Variants in PCDHA10 observed in about 807,000 individuals in gnomAD.
PCDHA10 encodes the protein protocadherin alpha 10.
PCDHA10 carries 45 observed loss-of-function variants against 61.2 expected under a neutral mutation model. The ratio of observed to expected loss-of-function variants is 0.74; its 90% CI spans 0.58 to 0.94. The LOEUF is 0.94. PCDHA10 is among the 40% of genes least tolerant of loss of function. PCDHA10 has a pLI of 0.00. For synonymous variants in PCDHA10, 602 were observed against 548.8 expected, an observed-to-expected ratio of 1.10 and a Z score of -1.35; for missense variants, 1,278 against 1,236.2, an observed-to-expected ratio of 1.03 and a Z score of -0.51.
At chr5:140,901,433 A>G (rs1472475784) in intron 1 of PCDHA10, among the ~76,000 whole-genome samples, 2 of 152,104 alleles carry the variant, frequency 1.3e-5, no homozygotes, top group Non-Finnish European at 2.9e-5. Flanking sequence ...CTGCATATGG[A>G]TATCTAGTTT....
chr5:140,867,991 T>G (rs1379820729), intron 1 of PCDHA10: 8 of 152,164 alleles, frequency 5.3e-5, no homozygotes, highest in Non-Finnish European at 8.8e-5. Flanking sequence ...ACTATTTTCA[T>G]GAATATAACT....
chr5:140,969,704 T>A (rs1317094729), intron 1 of PCDHA10, among the ~76,000 whole-genome samples: 2 of 152,172 alleles, frequency 1.3e-5, no homozygotes, highest in African/African-American at 4.8e-5. Context: ...TGCTGTATCA[T>A]CTACAGGGAA....
chr5:140,967,828 C>T (rs2096188201), intron 1 of PCDHA10: 2 of 1,614,028 alleles, frequency 1.2e-6, no homozygotes, highest in Non-Finnish European at 1.7e-6. Flanking sequence ...TGCTGGTGGA[C>T]ATCGTGGACG....
chr5:140,967,044 A>G, intron 1 of PCDHA10: 3 of 1,612,116 alleles, frequency 1.9e-6, no homozygotes, highest in Non-Finnish European at 2.5e-6. Context: ...CTGGAGCTGG[A>G]CCTGACGAGT....
At chr5:140,866,880 C>T (rs1270572722) in intron 1 of PCDHA10, 2 of 152,032 alleles carry the variant, frequency 1.3e-5, no homozygotes, top group Non-Finnish European at 2.9e-5. Context: ...TTGGTATTAG[C>T]CTATACCCAG....
At chr5:140,970,884 A>G (rs1013057138) in intron 1 of PCDHA10, among the ~76,000 whole-genome samples, 1 of 152,218 alleles carries the variant, frequency 6.6e-6, no homozygotes, top group Admixed American at 6.5e-5. Context: ...GATTTTTCTC[A>G]TGGACATTTC....
At chr5:140,963,120 A>G (rs1210822785) in intron 1 of PCDHA10, among the ~76,000 whole-genome samples, 1 of 152,174 alleles carries the variant, frequency 6.6e-6, no homozygotes, top group African/African-American at 2.4e-5. Context: ...ATAATTAAAG[A>G]GATAATATTA....
Position 140,875,735 on chromosome 5 carries a change from C to G in PCDHA10, c.2388+17299C>G, listed in dbSNP as rs376701509. ...CAGAATGGCATTTTGTTTGTGAATT[C>G]TCGGATCGACCGCGAGAAGCTGTGC... is the stretch of plus-strand genomic sequence containing the variant. On this transcript the variant is annotated intron_variant, in intron 1 of 3. Coordinates refer to ENST00000307360, the MANE Select transcript of PCDHA10 (RefSeq NM_018901.4). The G allele has an allele frequency of 5.0e-5, 80 of 1,614,232 alleles. No individual in the cohort carries two copies. The South Asian group carries it at 5.4e-4, about 11-fold the overall frequency.
At position 140,869,261 on chromosome 5, in the gene PCDHA10, G is replaced by A. The variant is rs782291113; in HGVS notation, c.2388+10825G>A. 3 of 1,613,572 alleles carry A rather than the reference G, an allele frequency of 1.9e-6. No individual in the cohort carries two copies. In the Admixed American group the frequency reaches 5.0e-5, roughly 27 times the overall value. On this transcript the variant is annotated intron_variant, in intron 1 of 3. Transcript: ENST00000307360. ...GTGGGCCGCATCGCGCAGGACCTGG[G>A]GCTGGAGCTGGCGGAGCTGGTGCAG...
chr5:140,922,441 A>G (rs2080844983), intron 1 of PCDHA10, among the ~76,000 whole-genome samples: 1 of 152,216 alleles, frequency 6.6e-6, no homozygotes, highest in Non-Finnish European at 1.5e-5. Flanking sequence ...GAACTCTCTC[A>G]TTATCCTATT....
chr5:140,894,096 C>T (rs1487747692), intron 1 of PCDHA10, among the ~76,000 whole-genome samples: 3 of 152,098 alleles, frequency 2.0e-5, no homozygotes, highest in African/African-American at 7.2e-5. Flanking sequence ...TCTTCTAGCT[C>T]CTGGTGTTGC....
chr5:140,876,792 A>C, intron 1 of PCDHA10: 1 of 1,614,116 alleles, frequency 6.2e-7, no homozygotes, highest in East Asian at 2.2e-5. Flanking sequence ...CCACGGCTAG[A>C]GTGTCCGTGG....
chr5:140,908,351 AACTT>A (rs1422870011), intron 1 of PCDHA10, among the ~76,000 whole-genome samples: 5 of 152,154 alleles, frequency 3.3e-5, no homozygotes, highest in African/African-American at 1.2e-4. Context: ...TACCTCATGT[AACTT>A]ACTTGTGCCT....
intron 2 of PCDHA10, 58 bp from the exon 3 acceptor site, chr5:140,982,417 G>T: frequency 1.2e-6 from 2 of 1,610,546 alleles, no homozygotes; most frequent in Non-Finnish European, 1.7e-6. Flanking sequence ...GAGGGTGGAA[G>T]AAGAGATGGG....
At chr5:140,875,264 C>T (rs1017689371) in intron 1 of PCDHA10, 10 of 1,189,206 alleles carry the variant, frequency 8.4e-6, no homozygotes, top group Non-Finnish European at 1.0e-5. Flanking sequence ...TGATGTCGCT[C>T]TACACTCAGA....
At chr5:140,876,980 C>T (rs782646541) in intron 1 of PCDHA10, 18 of 1,612,542 alleles carry the variant, frequency 1.1e-5, no homozygotes, top group Admixed American at 1.7e-5. Flanking sequence ...GGCGAGCACG[C>T]ACTGTCGAGC....
intron 1 of PCDHA10, among the ~76,000 whole-genome samples, chr5:140,872,655 G>A (rs1474105243): frequency 6.6e-6 from 1 of 152,046 alleles, no homozygotes; most frequent in African/African-American, 2.4e-5. Context: ...CAAGAGATTT[G>A]TCAACTATTG....
chr5:140,870,927 T>G (rs782446287), intron 1 of PCDHA10: 1 of 1,613,880 alleles, frequency 6.2e-7, no homozygotes, highest in South Asian at 1.1e-5. Context: ...GGCTTTCATA[T>G]GAATTGCAGC....
chr5:140,866,445 T>G (rs2049364254), intron 1 of PCDHA10: 1 of 152,140 alleles, frequency 6.6e-6, no homozygotes, highest in South Asian at 2.1e-4. Flanking sequence ...TCTTCAGTCT[T>G]ATTGTTGGCT....
Sources: allele counts gnomAD v4.1 joint callset (sites outside exome capture counted in the v4.1 genomes callset), GRCh38; gene constraint gnomAD v4.1.1; transcripts MANE v1.5; gene names NCBI Gene and HGNC (gene_info 2026-07-23, HGNC 2026-07-21).